FBXW8: variants seen among roughly 807,000 people sequenced by gnomAD.
FBXW8 encodes F-box/WD repeat-containing protein 8.
A neutral mutation model predicts 65.3 loss-of-function variants in FBXW8; 57 were observed. The ratio of observed to expected loss-of-function variants is 0.87; its 90% CI spans 0.71 to 1.09. FBXW8 has a LOEUF of 1.09. Ranked by LOEUF, FBXW8 falls within the 50% of genes least tolerant of loss-of-function variation. The pLI is 0.00. For missense variants in FBXW8, 777 were observed against 814.8 expected (o/e 0.95, Z 0.57); for synonymous variants, 308 against 330.2 (o/e 0.93, Z 0.73).
chr12:117,028,167 G>A lies in FBXW8; in HGVS notation c.1792G>A (p.Val598Ile). 1 of 1,613,954 alleles carries A rather than the reference G, an allele frequency of 6.2e-7. No individual in the cohort carries two copies. The highest frequency in any genetic ancestry group is 8.5e-7 in the Non-Finnish European group (1 of 1,179,910). ...CGCACTGGCCTTTCCCTATAACCAT[G>A]TTTAGGGATGTGCCTCAGTTGGGAG... ...DLALAFPYNH[V>I] The change falls in exon 11 of 11, where the codon GTT (valine) becomes ATT (isoleucine). Residue 598 changes from valine (V) to isoleucine (I), a missense_variant. Val to Ile is a conservative substitution (Grantham distance 29). Coordinates refer to ENST00000652555, the MANE Select transcript of FBXW8 (RefSeq NM_153348.3). The surrounding 1 kb of genome is among the most constrained non-coding windows in gnomAD (Gnocchi z 4.1).
chr12:117,027,224 C>T (rs1383501879), intron 9 of FBXW8, among the ~76,000 whole-genome samples, 170 bp from the exon 10 acceptor site: 4 of 152,196 alleles, frequency 2.6e-5, no homozygotes, highest in Non-Finnish European at 5.9e-5. Context: ...ACCTGAGCTT[C>T]GGGAACTGAG....
In FBXW8 at chr12:117,010,292, G is replaced by T. The variant is rs746137877; in HGVS notation, c.1240-31G>T. The T allele has an allele frequency of 4.0e-5, 65 of 1,613,934 alleles. No homozygotes were observed. In the African/African-American group the frequency reaches 7.1e-4, roughly 18 times the overall value. ...TGATGTCGGCCTGGTGTGTGGAATT[G>T]TGGGCCCACACATTTCTCTTCCTCT... On this transcript the variant is annotated intron_variant, in intron 7 of 10. Coordinates refer to ENST00000652555, the MANE Select transcript of FBXW8 (RefSeq NM_153348.3).
intron 4 of FBXW8, among the ~76,000 whole-genome samples, chr12:116,959,370 G>C (rs1883846356): frequency 6.6e-6 from 1 of 152,164 alleles, no homozygotes; most frequent in South Asian, 2.1e-4. Context: ...GAGGCAGAGT[G>C]GCTTGTTGGC....
chr12:116,926,911 G>A lies in FBXW8; in HGVS notation c.319-1112G>A, dbSNP rs1328773304. Among the ~76,000 whole-genome samples, 3 of 152,018 alleles carry A rather than the reference G, an allele frequency of 2.0e-5. No homozygotes were observed. The East Asian group carries it at 5.8e-4, about 29-fold the overall frequency. ...GAGTCTTGGTAGGGTCTAAATCAGTGCTTGGACTCCCTTAAAAACATTGAG... is the reference window on the plus strand; with the variant it reads ...GAGTCTTGGTAGGGTCTAAATCAGTACTTGGACTCCCTTAAAAACATTGAG... On this transcript the variant is annotated intron_variant, in intron 1 of 10. Transcript: ENST00000652555.
intron 5 of FBXW8, 135 bp downstream of exon 5, chr12:116,964,989 T>C: frequency 1.2e-6 from 1 of 850,058 alleles, no homozygotes; most frequent in Non-Finnish European, 1.7e-6. Context: ...ACACATACAC[T>C]CACTCTTGCT....
chr12:116,966,293 C>G (rs1012943503), intron 5 of FBXW8, among the ~76,000 whole-genome samples: 1 of 152,144 alleles, frequency 6.6e-6, no homozygotes, highest in Non-Finnish European at 1.5e-5. Flanking sequence ...TTCCAAAATA[C>G]CTATGCAAAG....
intron 2 of FBXW8, among the ~76,000 whole-genome samples, chr12:116,932,381 A>G (rs1298014100): frequency 6.6e-6 from 1 of 152,212 alleles, no homozygotes; most frequent in Non-Finnish European, 1.5e-5. Context: ...AACTGAACAT[A>G]AAATTCAAAG....
chr12:117,030,378 TTTTG>T lies in FBXW8; in HGVS notation c.*2210_*2213del. ...TGGCCTGTAGGTAGCAAATGCAGGATTTTGTTTACTTTCATCATGTCATGTGGTG... is the reference window on the plus strand; with the variant it reads ...TGGCCTGTAGGTAGCAAATGCAGGATTTTACTTTCATCATGTCATGTGGTG... On this transcript the variant is annotated 3_prime_UTR_variant, in exon 11 of 11. Coordinates refer to ENST00000652555, the MANE Select transcript of FBXW8 (RefSeq NM_153348.3). 6.6e-6 allele frequency: 1 copy of T among 152,274 alleles called. No homozygotes were observed. Among genetic ancestry groups the T allele is most frequent in the Non-Finnish European group, 1.5e-5 (1 of 68,026 alleles). 9.4% of individuals were successfully genotyped at this position (152,274 alleles called of 1,614,324 possible).
intron 9 of FBXW8, among the ~76,000 whole-genome samples, chr12:117,025,111 C>A (rs1205656064): frequency 2.6e-5 from 4 of 152,174 alleles, no homozygotes; most frequent in Admixed American, 1.3e-4. Flanking sequence ...CCCTGCAGGC[C>A]TCGAACAGGA....
intron 5 of FBXW8, among the ~76,000 whole-genome samples, chr12:116,981,728 G>A (rs1885320549): frequency 6.6e-6 from 1 of 151,962 alleles, no homozygotes; most frequent in African/African-American, 2.4e-5. Context: ...ATTCTCATGC[G>A]TCAGCCTCCT....
chr12:116,911,320 G>A lies in FBXW8; in HGVS notation c.283G>A (p.Gly95Arg). Residue 95 changes from glycine (G) to arginine (R), a missense_variant, in exon 1 of 11, where the codon GGG becomes AGG. Transcript: ENST00000652555. ...SPLAREGAGG[G>R]EQLVDQLIRD... ...TCTGGCCCGCGAGGGCGCCGGGGGC[G>A]GGGAGCAGCTGGTGGACCAGCTCAT... 1 of 1,285,458 alleles carries A rather than the reference G, an allele frequency of 7.8e-7. No individual in the cohort carries two copies. The highest frequency in any genetic ancestry group is 9.8e-7 in the Non-Finnish European group (1 of 1,019,480). The allele number at this position is 1,285,458 out of a possible 1,614,324, so 79.6% of individuals were successfully genotyped here. A position where few individuals can be genotyped will look rare whatever the true frequency, so the allele number is the denominator to read the frequency against.
intron 2 of FBXW8, among the ~76,000 whole-genome samples, chr12:116,930,900 T>C (rs1283352298): frequency 6.6e-6 from 1 of 152,232 alleles, no homozygotes; most frequent in African/African-American, 2.4e-5. Context: ...CTCAAACTTT[T>C]GGGCTCACGT....
chr12:116,968,731 A>G (rs1884474881), intron 5 of FBXW8, among the ~76,000 whole-genome samples: 1 of 152,126 alleles, frequency 6.6e-6, no homozygotes, highest in Non-Finnish European at 1.5e-5. Context: ...GTATGTTTCC[A>G]GCTTTTGGGT....
chr12:116,929,291 G>A (rs1881582697), intron 2 of FBXW8, among the ~76,000 whole-genome samples: 1 of 152,202 alleles, frequency 6.6e-6, no homozygotes, highest in Admixed American at 6.5e-5. Context: ...CTGGAGTGCA[G>A]TGGCGCGATC....
chr12:116,926,693 T>C (rs1302697783), intron 1 of FBXW8, among the ~76,000 whole-genome samples: 9 of 152,212 alleles, frequency 5.9e-5, no homozygotes, highest in African/African-American at 1.7e-4. Context: ...GATTTAACAT[T>C]CTGTTCCTTC....
chr12:117,008,248 CAA>C (rs1182805887), intron 7 of FBXW8, among the ~76,000 whole-genome samples: 3 of 152,176 alleles, frequency 2.0e-5, no homozygotes, highest in South Asian at 4.1e-4. Context: ...ATTTTAAAAA[CAA>C]GAGAACACTT....
intron 8 of FBXW8, among the ~76,000 whole-genome samples, chr12:117,011,146 C>T (rs1405336503): frequency 1.9e-5 from 1 of 53,206 alleles, no homozygotes; most frequent in East Asian, 5.8e-4. Flanking sequence ...TTTTTTTGGC[C>T]AGTTATCTGC....
intron 9 of FBXW8, among the ~76,000 whole-genome samples, chr12:117,024,863 G>A (rs1327425441): frequency 2.6e-5 from 4 of 152,182 alleles, no homozygotes; most frequent in African/African-American, 9.6e-5. Flanking sequence ...AAGGGGTTCA[G>A]GCTCCAACGA....
rs893889422 is a variant in FBXW8 at position 117,027,331 on chromosome 12, C to T, written c.1542-63C>T. 22 of 1,278,402 alleles carry T rather than the reference C, an allele frequency of 1.7e-5. 1 individual carries two copies. Among genetic ancestry groups the T allele is most frequent in the Non-Finnish European group, 2.5e-5 (22 of 877,466 alleles). 79.2% of individuals were successfully genotyped at this position (1,278,402 alleles called of 1,614,324 possible). A position where few individuals can be genotyped will look rare whatever the true frequency, so the allele number is the denominator to read the frequency against. ...CCCCTGCAGCTCTGAACTCCCAGGC[C>T]TGCGGCAGCAAGTGCAGGCCCAGTG... On this transcript the variant is annotated intron_variant, in intron 9 of 10. Coordinates refer to ENST00000652555, the MANE Select transcript of FBXW8 (RefSeq NM_153348.3).
Sources: gnomAD v4.1 joint callset for allele counts (sites outside exome capture counted in the v4.1 genomes callset) on GRCh38, gnomAD v4.1.1 for gene constraint, Gnocchi (gnomAD v3.1) non-coding constraint, MANE v1.5 for transcripts, NCBI Gene and HGNC (gene_info 2026-07-23, HGNC 2026-07-21) for gene names.